Variants in AMBRA1 observed in about 807,000 individuals in gnomAD.
AMBRA1 encodes activating molecule in BECN1-regulated autophagy protein 1.
Under a neutral mutation model 125.4 loss-of-function variants are expected in AMBRA1, and 47 were observed. The observed-to-expected ratio is 0.37, with a 90% CI of 0.30 to 0.48. The LOEUF (loss-of-function observed/expected upper bound fraction) is 0.48. Among genes scored for constraint, AMBRA1 ranks in the 20% least tolerant of loss-of-function variants. The pLI is 0.99. For synonymous variants in AMBRA1, 626 were observed against 655.5 expected (o/e 0.95, Z 0.69); for missense variants, 1,331 against 1,693.4 (o/e 0.79, Z 3.76).
At chr11:46,410,190 A>G (rs1300363012) in intron 16 of AMBRA1, 86 bp downstream of exon 16, 1 of 1,246,898 alleles carries the variant, frequency 8.0e-7, no homozygotes, top group Non-Finnish European at 1.2e-6. Context: ...CCAGAGCCCT[A>G]GAGGGCGCTG....
chr11:46,590,687 G>A (rs2044564906), intron 1 of AMBRA1, among the ~76,000 whole-genome samples: 8 of 151,946 alleles, frequency 5.3e-5, no homozygotes, highest in Admixed American at 5.2e-4. Context: ...TGTCAACAGA[G>A]AACCCAATCT....
At chr11:46,480,567 G>A (rs1950022370) in intron 11 of AMBRA1, among the ~76,000 whole-genome samples, 1 of 152,122 alleles carries the variant, frequency 6.6e-6, no homozygotes, top group South Asian at 2.1e-4. Context: ...ATCAACATGT[G>A]TACCTTAAAA....
intron 11 of AMBRA1, among the ~76,000 whole-genome samples, chr11:46,478,005 A>G (rs1482072646): frequency 1.3e-5 from 2 of 151,934 alleles, no homozygotes; most frequent in Non-Finnish European, 2.9e-5. Flanking sequence ...GAAGAAGCAC[A>G]GGTTAGTTTA....
At chr11:46,494,326 G>T in intron 9 of AMBRA1, 122 bp from the exon 10 acceptor site, 1 of 730,736 alleles carries the variant, frequency 1.4e-6, no homozygotes, top group East Asian at 2.7e-5. Flanking sequence ...ACATAAATTA[G>T]TCATCTGGCT....
chr11:46,483,827 G>C (rs1373281724), intron 11 of AMBRA1, among the ~76,000 whole-genome samples: 2 of 152,136 alleles, frequency 1.3e-5, no homozygotes, highest in East Asian at 3.8e-4. Flanking sequence ...GAATCTGGGA[G>C]GTGGAGGTTG....
At chr11:46,558,248 A>G (rs983856331) in intron 1 of AMBRA1, among the ~76,000 whole-genome samples, 3 of 152,102 alleles carry the variant, frequency 2.0e-5, no homozygotes, top group Admixed American at 6.6e-5. Context: ...ATAGATAACT[A>G]AAACACTACT....
chr11:46,563,215 C>A (rs2043396780), intron 1 of AMBRA1, among the ~76,000 whole-genome samples: 1 of 152,048 alleles, frequency 6.6e-6, no homozygotes, highest in Non-Finnish European at 1.5e-5. Context: ...GACCAGCCTG[C>A]AACATAGAGA....
chr11:46,560,949 G>A (rs1175226564), intron 1 of AMBRA1, among the ~76,000 whole-genome samples: 1 of 152,122 alleles, frequency 6.6e-6, no homozygotes, highest in African/African-American at 2.4e-5. Flanking sequence ...ATATCAGGAG[G>A]CTGGAGTAGG....
chr11:46,496,662 G>A (rs985402414), intron 9 of AMBRA1, among the ~76,000 whole-genome samples: 13 of 152,196 alleles, frequency 8.5e-5, no homozygotes, highest in African/African-American at 2.4e-4. Context: ...CTTGGTGAAA[G>A]AACACAAGAA....
chr11:46,540,495 C>T (rs556701637), intron 7 of AMBRA1, among the ~76,000 whole-genome samples: 35 of 152,268 alleles, frequency 2.3e-4, no homozygotes, highest in African/African-American at 8.4e-4. Flanking sequence ...GAACTGGTTT[C>T]AAGCATATGG....
intron 1 of AMBRA1, among the ~76,000 whole-genome samples, chr11:46,589,290 G>A (rs1192084309): frequency 1.3e-5 from 2 of 152,094 alleles, no homozygotes; most frequent in Non-Finnish European, 2.9e-5. Flanking sequence ...ATTAACTTGG[G>A]GGAGCCTGAA....
chr11:46,517,429 G>A (rs1032997842), intron 7 of AMBRA1, among the ~76,000 whole-genome samples: 5 of 144,236 alleles, frequency 3.5e-5, no homozygotes, highest in Non-Finnish European at 6.0e-5. Context: ...GATTACAGGC[G>A]TAAGCCACCG....
At chr11:46,401,684 C>T (rs1421048420) in intron 17 of AMBRA1, among the ~76,000 whole-genome samples, 2 of 152,336 alleles carry the variant, frequency 1.3e-5, no homozygotes, top group African/African-American at 2.4e-5. Flanking sequence ...GAGCCCACTG[C>T]TTGCTTGCCT....
At chr11:46,512,688 C>T (rs1216901584) in intron 8 of AMBRA1, 39 bp downstream of exon 8, 1 of 1,587,918 alleles carries the variant, frequency 6.3e-7, no homozygotes, top group Admixed American at 1.7e-5. Context: ...AAGGGCCGCC[C>T]CTCCCCCCAC....
intron 11 of AMBRA1, among the ~76,000 whole-genome samples, chr11:46,493,003 C>G (rs1316094754): frequency 2.6e-5 from 4 of 152,166 alleles, no homozygotes; most frequent in Admixed American, 2.0e-4. Context: ...GAGCCAAGAT[C>G]GTGCCACTGC....
intron 7 of AMBRA1, among the ~76,000 whole-genome samples, chr11:46,531,456 T>A (rs947855612): frequency 4.0e-5 from 6 of 151,362 alleles, no homozygotes; most frequent in African/African-American, 1.5e-4. Flanking sequence ...ACGCCTGTAA[T>A]CCCAGCACTT....
intron 1 of AMBRA1, among the ~76,000 whole-genome samples, chr11:46,570,377 G>A (rs546060584): frequency 4.0e-5 from 6 of 151,412 alleles, no homozygotes; most frequent in South Asian, 2.1e-4. Flanking sequence ...GGAGAAGTAC[G>A]AAATTATATC....
chr11:46,527,227 C>A (rs754456553), intron 7 of AMBRA1, among the ~76,000 whole-genome samples: 2 of 151,970 alleles, frequency 1.3e-5, no homozygotes, highest in Non-Finnish European at 2.9e-5. Flanking sequence ...CTCCTGTAAT[C>A]CCTGCATTTT....
chr11:46,556,542 T>C (rs2043161557), intron 1 of AMBRA1, among the ~76,000 whole-genome samples: 1 of 152,232 alleles, frequency 6.6e-6, no homozygotes, highest in Admixed American at 6.5e-5. Context: ...GAGTGATATT[T>C]ATTTTATTGT....
Sources: allele counts gnomAD v4.1 joint callset (sites outside exome capture counted in the v4.1 genomes callset), GRCh38; gene constraint gnomAD v4.1.1; transcripts MANE v1.5; gene names NCBI Gene and HGNC (gene_info 2026-07-23, HGNC 2026-07-21).